COG3: variants seen among roughly 807,000 people sequenced by gnomAD.
The protein encoded by COG3 is component of oligomeric golgi complex 3, also known as conserved oligomeric Golgi complex subunit 3.
A neutral mutation model predicts 114.1 loss-of-function variants in COG3; 32 were observed. That is an observed-to-expected ratio of 0.28 (90% CI 0.21 to 0.38). The LOEUF (loss-of-function observed/expected upper bound fraction) is 0.38. Among genes scored for constraint, COG3 ranks in the 10% least tolerant of loss-of-function variants. The probability of loss-of-function intolerance (pLI) is 1.00; values close to 1 mark genes in which losing one functional copy is unlikely to be tolerated. For synonymous variants in COG3, 352 were observed against 365.7 expected (o/e 0.96, Z 0.43); for missense variants, 813 against 973.2 (o/e 0.84, Z 2.19).
At position 45,490,964 on chromosome 13, in the gene COG3, T is replaced by C. The variant is rs372901781; in HGVS notation, c.968+6T>C. On this transcript the variant is annotated splice_donor_region_variant and intron_variant, in intron 9 of 22. Transcript: ENST00000349995. ...CGGTCTGAAAAAATACCTGAGTGAG[T>C]ACCTAGAAGTTAATCTGATTTCCAC... The C allele has an allele frequency of 3.3e-5, 52 of 1,569,290 alleles. No homozygotes were observed. The highest frequency in any genetic ancestry group is 4.5e-5 in the Non-Finnish European group (51 of 1,142,772).
intron 12 of COG3, among the ~76,000 whole-genome samples, chr13:45,495,826 A>G (rs1241046902): frequency 6.6e-6 from 1 of 152,206 alleles, no homozygotes; most frequent in African/African-American, 2.4e-5. Flanking sequence ...CCCAGTTAAT[A>G]AGCTACCTTA....
chr13:45,534,481 T>C (rs1391609142), intron 22 of COG3: 8 of 401,214 alleles, frequency 2.0e-5, no homozygotes, highest in Admixed American at 9.1e-5. Context: ...CATTCTGTTT[T>C]TGGGGCTCTA....
Position 45,486,565 on chromosome 13 carries a change from C to A in COG3, c.914C>A (p.Pro305His). The change falls in exon 8 of 23, where the codon CCC (proline) becomes CAC (histidine). Residue 305 changes from proline (P) to histidine (H), a missense_variant. Physicochemically the swap from Pro to His is moderately conservative, Grantham distance 77. Around this residue, in one of 2 missense-constraint regions of COG3, gnomAD observed 424 missense variants for 430.6 expected, o/e 0.98. Coordinates refer to ENST00000349995, the MANE Select transcript of COG3 (RefSeq NM_031431.4). ...TATGTGAAATTTCGAGCTGCTGCCC[C>A]CAAAGTCAGAGTAAGTCTATTGACA... Reference protein sequence around the residue: ...LFYVKFRAAAPKVRTLIEQIE... With the variant: ...LFYVKFRAAAHKVRTLIEQIE... The A allele has an allele frequency of 6.3e-7, 1 of 1,599,170 alleles. No homozygotes were observed.
intron 13 of COG3, among the ~76,000 whole-genome samples, chr13:45,496,929 T>C (rs1868864725): frequency 6.6e-6 from 1 of 152,176 alleles, no homozygotes; most frequent in Non-Finnish European, 1.5e-5. Flanking sequence ...CGCCTCGGCC[T>C]CCCAAGGTGC....
At chr13:45,502,228 G>A (rs1018386965) in intron 13 of COG3, among the ~76,000 whole-genome samples, 6 of 152,110 alleles carry the variant, frequency 3.9e-5, no homozygotes, top group East Asian at 3.8e-4. Flanking sequence ...TTTTCCTCCC[G>A]TCCTGGCCTT....
rs1277993127 is a variant in COG3 at position 45,496,197 on chromosome 13, A to T, written c.1373A>T (p.Glu458Val). ...GCAGCTGGAGTCAAGCAGATGTTAG[A>T]AGATGTACAGGAGCGGCTCGTCTAC... is the stretch of plus-strand genomic sequence containing the variant. ...AFAAGVKQML[E>V]DVQERLVYRT... Residue 458 changes from glutamate (E) to valine (V), a missense_variant, in exon 13 of 23, where the codon GAA (glutamate) becomes GTA (valine). Transcript: ENST00000349995. 6.2e-7 allele frequency: 1 copy of T among 1,611,760 alleles called. No individual in the cohort carries two copies. The highest frequency in any genetic ancestry group is 2.2e-5 in the East Asian group (1 of 44,704).
intron 20 of COG3, 39 bp from the exon 21 acceptor site, chr13:45,529,752 T>C: frequency 6.6e-7 from 1 of 1,517,880 alleles, no homozygotes; most frequent in Non-Finnish European, 8.9e-7. Flanking sequence ...ATTTCTTTTC[T>C]TTTTCTTTAT....
intron 12 of COG3, 64 bp downstream of exon 12, chr13:45,493,550 A>C: frequency 6.9e-7 from 1 of 1,445,934 alleles, no homozygotes; most frequent in African/African-American, 1.4e-5. Flanking sequence ...AAAAAAAAAT[A>C]AGTGCTTCTT....
At chr13:45,479,758 TCA>T (rs1428140336) in intron 3 of COG3, among the ~76,000 whole-genome samples, 1 of 152,196 alleles carries the variant, frequency 6.6e-6, no homozygotes, top group Non-Finnish European at 1.5e-5. Flanking sequence ...TGCCATGACA[TCA>T]CACCATCTTT....
chr13:45,473,782 G>A (rs1885674039), intron 1 of COG3, among the ~76,000 whole-genome samples: 1 of 152,222 alleles, frequency 6.6e-6, no homozygotes, highest in Non-Finnish European at 1.5e-5. Flanking sequence ...GAAGGGTTCT[G>A]CAGAGCAGGT....
intron 22 of COG3, chr13:45,531,043 G>C (rs1873124518): frequency 2.9e-6 from 3 of 1,051,294 alleles, no homozygotes; most frequent in Non-Finnish European, 3.4e-6. Context: ...AGAATGACCT[G>C]TTTGTAAAAG....
At chr13:45,531,247 GCACC>G (rs990793903) in intron 22 of COG3, 1 of 162,414 alleles carries the variant, frequency 6.2e-6, no homozygotes, top group Non-Finnish European at 1.3e-5. Flanking sequence ...AGTATACACT[GCACC>G]CTATTTGTAG....
intron 15 of COG3, 51 bp from the exon 16 acceptor site, chr13:45,511,714 T>G: frequency 7.1e-7 from 1 of 1,413,892 alleles, no homozygotes; most frequent in Non-Finnish European, 1.0e-6. Flanking sequence ...TATTCCTTTT[T>G]TTTTGTTTTG....
At chr13:45,532,295 A>G (rs1873221834) in intron 22 of COG3, among the ~76,000 whole-genome samples, 1 of 152,158 alleles carries the variant, frequency 6.6e-6, no homozygotes, top group Non-Finnish European at 1.5e-5. Flanking sequence ...CTTCCAAATA[A>G]TTTATTTGAA....
At chr13:45,497,935 CAA>C (rs1453555826) in intron 13 of COG3, among the ~76,000 whole-genome samples, 1 of 152,074 alleles carries the variant, frequency 6.6e-6, no homozygotes, top group African/African-American at 2.4e-5. Context: ...GATATCAAGT[CAA>C]GAGGTTAAAT....
At chr13:45,482,687 T>C (rs979410343) in intron 6 of COG3, among the ~76,000 whole-genome samples, 1 of 152,216 alleles carries the variant, frequency 6.6e-6, no homozygotes, top group Non-Finnish European at 1.5e-5. Context: ...TTATTAGCAG[T>C]GGTGTAAAAA....
rs1873542669 is a variant in COG3, at chr13:45,536,265, G to A, written c.*1534G>A. ...AGTTTTGTGTATTATATGTACATTT[G>A]ATTTTTAATAGCCTTTCCAAAGAAA... On this transcript the variant is annotated 3_prime_UTR_variant, in exon 23 of 23. Coordinates refer to ENST00000349995, the MANE Select transcript of COG3 (RefSeq NM_031431.4). 6.6e-6 allele frequency: 1 copy of A among 152,142 alleles called. No homozygotes were observed. The highest frequency in any genetic ancestry group is 2.4e-5 in the African/African-American group (1 of 41,418). The allele number at this position is 152,142 out of a possible 1,614,324, so 9.4% of individuals were successfully genotyped here.
At chr13:45,498,862 T>C (rs902073591) in intron 13 of COG3, among the ~76,000 whole-genome samples, 2 of 151,990 alleles carry the variant, frequency 1.3e-5, no homozygotes, top group African/African-American at 4.8e-5. Context: ...TTGAATCTTC[T>C]TTCTTTTTTT....
At chr13:45,521,073 A>G (rs1872079787) in intron 19 of COG3, among the ~76,000 whole-genome samples, 1 of 152,184 alleles carries the variant, frequency 6.6e-6, no homozygotes, top group African/African-American at 2.4e-5. Flanking sequence ...AGTCTTAGCT[A>G]CTCTGGATGT....
Sources: allele counts gnomAD v4.1 joint callset (sites outside exome capture counted in the v4.1 genomes callset), GRCh38; gene constraint gnomAD v4.1.1; regional missense constraint gnomAD v4.1.1; transcripts MANE v1.5; gene names NCBI Gene and HGNC (gene_info 2026-07-23, HGNC 2026-07-21).